The following NTRK2 variants were observed in gnomAD, a reference collection of about 807,000 sequenced individuals.
The protein encoded by NTRK2 is BDNF/NT-3 growth factors receptor.
A neutral mutation model predicts 94.5 loss-of-function variants in NTRK2; 13 were observed. The ratio of observed to expected loss-of-function variants is 0.14; its 90% CI spans 0.09 to 0.22. The LOEUF is 0.22. Ranked by LOEUF, NTRK2 falls within the 10% of genes least tolerant of loss-of-function variation. The probability of loss-of-function intolerance (pLI) is 1.00; values close to 1 mark genes in which losing one functional copy is unlikely to be tolerated. For missense variants in NTRK2, 639 were observed against 1,071.2 expected (o/e 0.60, Z 5.63); for synonymous variants, 372 against 407.4 (o/e 0.91, Z 1.05).
At chr9:84,774,500 C>T (rs2066848439) in intron 12 of NTRK2, among the ~76,000 whole-genome samples, 1 of 152,296 alleles carries the variant, frequency 6.6e-6, no homozygotes, top group Middle Eastern at 3.4e-3. Context: ...ATGTGACTTG[C>T]CCAAAGCTGC....
chr9:84,876,400 T>C (rs200255743), intron 14 of NTRK2: 2 of 1,054,194 alleles, frequency 1.9e-6, no homozygotes, highest in Non-Finnish European at 2.3e-6. Flanking sequence ...GATCCATTTA[T>C]GTTTTCATGC....
intron 14 of NTRK2, among the ~76,000 whole-genome samples, chr9:84,895,759 T>G (rs71506676): frequency 6.6e-6 from 1 of 152,156 alleles, no homozygotes; most frequent in Non-Finnish European, 1.5e-5. Flanking sequence ...TCCTCCCTTC[T>G]CCCACCTCAC....
At chr9:84,693,183 G>A (rs1053892801) in intron 2 of NTRK2, among the ~76,000 whole-genome samples, 2 of 152,158 alleles carry the variant, frequency 1.3e-5, no homozygotes, top group Admixed American at 6.5e-5. Context: ...GTCAGATCCC[G>A]ACCACGTGCT....
At chr9:84,732,440 C>T (rs1309616461) in intron 9 of NTRK2, among the ~76,000 whole-genome samples, 3 of 152,150 alleles carry the variant, frequency 2.0e-5, no homozygotes, top group Non-Finnish European at 2.9e-5. Flanking sequence ...TTTAAGGTCC[C>T]TAGTGATTCT....
chr9:84,701,590 T>G (rs1329077265), intron 2 of NTRK2, among the ~76,000 whole-genome samples: 1 of 151,990 alleles, frequency 6.6e-6, no homozygotes, highest in Non-Finnish European at 1.5e-5. Flanking sequence ...GTTTGTGAAA[T>G]GTGGTTCATC....
At chr9:84,701,342 C>T (rs1246037003) in intron 2 of NTRK2, among the ~76,000 whole-genome samples, 1 of 152,222 alleles carries the variant, frequency 6.6e-6, no homozygotes, top group East Asian at 1.9e-4. Flanking sequence ...AGCCCCAGGC[C>T]TGTGCCATCC....
intron 2 of NTRK2, among the ~76,000 whole-genome samples, chr9:84,693,334 A>G (rs1458828562): frequency 6.6e-6 from 1 of 152,168 alleles, no homozygotes; most frequent in Non-Finnish European, 1.5e-5. Context: ...ATAGAGACCT[A>G]TATGTTTTAT....
intron 9 of NTRK2, among the ~76,000 whole-genome samples, chr9:84,728,620 C>T (rs1381745720): frequency 2.0e-5 from 3 of 152,084 alleles, no homozygotes; most frequent in South Asian, 2.1e-4. Flanking sequence ...GGTTTCTCAT[C>T]CATGGATGAG....
chr9:84,767,697 C>T (rs920468477), intron 12 of NTRK2, among the ~76,000 whole-genome samples: 1 of 152,166 alleles, frequency 6.6e-6, no homozygotes, highest in African/African-American at 2.4e-5. Flanking sequence ...TTGGGATCTC[C>T]TATCTTCTTC....
At chr9:84,816,566 G>A (rs945171513) in intron 12 of NTRK2, among the ~76,000 whole-genome samples, 1 of 151,830 alleles carries the variant, frequency 6.6e-6, no homozygotes, top group African/African-American at 2.4e-5. Flanking sequence ...GGATCATGAG[G>A]TCGAGAGTTC....
intron 17 of NTRK2, among the ~76,000 whole-genome samples, chr9:84,965,676 C>T (rs1488946177): frequency 6.6e-6 from 1 of 152,178 alleles, no homozygotes; most frequent in Non-Finnish European, 1.5e-5. Flanking sequence ...TAGGCACTTC[C>T]TAAGTTCTTA....
chr9:84,726,767 A>G (rs2062490222), intron 8 of NTRK2, among the ~76,000 whole-genome samples: 1 of 152,184 alleles, frequency 6.6e-6, no homozygotes, highest in Non-Finnish European at 1.5e-5. Flanking sequence ...AAATGATGCT[A>G]TTAGATCTCA....
intron 15 of NTRK2, among the ~76,000 whole-genome samples, chr9:84,946,744 C>G (rs1340540067): frequency 6.6e-6 from 1 of 152,202 alleles, no homozygotes; most frequent in Non-Finnish European, 1.5e-5. Context: ...TTCTGGTGGT[C>G]AGACACCTGA....
intron 17 of NTRK2, among the ~76,000 whole-genome samples, chr9:85,011,958 ATTATTTTATT>A (rs57166564): frequency 8.3e-5 from 11 of 131,738 alleles, no homozygotes; most frequent in African/African-American, 3.1e-4. Flanking sequence ...TATGTAGAGC[ATTATTTTATT>A]TTATTTTATT....
intron 14 of NTRK2, among the ~76,000 whole-genome samples, chr9:84,909,484 G>T (rs1564455297): frequency 1.4e-5 from 2 of 146,980 alleles, no homozygotes; most frequent in South Asian, 2.2e-4. Context: ...AGTTTTAGTT[G>T]TTTTTTTTTT....
chr9:84,815,768 G>C, intron 12 of NTRK2: 1 of 999,840 alleles, frequency 1.0e-6, no homozygotes, highest in Non-Finnish European at 1.2e-6. Flanking sequence ...AGTGTGTGCT[G>C]TCACCTGAGT....
At chr9:85,006,588 A>C (rs1262078239) in intron 17 of NTRK2, among the ~76,000 whole-genome samples, 1 of 152,186 alleles carries the variant, frequency 6.6e-6, no homozygotes, top group East Asian at 1.9e-4. Flanking sequence ...GCTATACTAC[A>C]GGAGGAGCAA....
At chr9:84,752,845 G>A (rs1048717242) in intron 12 of NTRK2, among the ~76,000 whole-genome samples, 1 of 152,116 alleles carries the variant, frequency 6.6e-6, no homozygotes. Context: ...TATTTTGTGT[G>A]GTCTCCTATA....
intron 4 of NTRK2, among the ~76,000 whole-genome samples, chr9:84,706,700 A>G (rs2061119436): frequency 6.6e-6 from 1 of 150,926 alleles, no homozygotes; most frequent in Non-Finnish European, 1.5e-5. Context: ...GCTAATTTTT[A>G]GTATTTTTTT....
Sources: allele counts gnomAD v4.1 joint callset (sites outside exome capture counted in the v4.1 genomes callset), GRCh38; gene constraint gnomAD v4.1.1; transcripts MANE v1.5; gene names NCBI Gene and HGNC (gene_info 2026-07-23, HGNC 2026-07-21).